Variants in FABP1 observed in about 807,000 individuals in gnomAD.
The protein encoded by FABP1 is fatty acid-binding protein, liver.
A neutral mutation model predicts 13.7 loss-of-function variants in FABP1; 13 were observed. The observed-to-expected ratio is 0.95, with a 90% CI of 0.62 to 1.51. The LOEUF is 1.51. Ranked by LOEUF, FABP1 falls within the 40% of genes most tolerant of loss-of-function variation. FABP1 has a pLI of 0.00. For synonymous variants in FABP1, 48 were observed against 59.8 expected (o/e 0.80, Z 0.91); for missense variants, 140 against 155.7 (o/e 0.90, Z 0.54).
At chr2:88,125,033 C>T (rs1233771486) in intron 2 of FABP1, among the ~76,000 whole-genome samples, 1 of 149,498 alleles carries the variant, frequency 6.7e-6, no homozygotes, top group Non-Finnish European at 1.5e-5. Context: ...TGGTCTTGAA[C>T]TCCTAGGCTC....
At chr2:88,126,139 A>C (rs199608981) in intron 2 of FABP1, 37 bp downstream of exon 2, 14 of 1,571,340 alleles carry the variant, frequency 8.9e-6, no homozygotes, top group African/African-American at 6.7e-5. Flanking sequence ...GCCAGGTTCC[A>C]AGGAAAGTTC....
At chr2:88,124,415 T>C in intron 3 of FABP1, 79 bp downstream of exon 3, 1 of 1,047,970 alleles carries the variant, frequency 9.5e-7, no homozygotes, top group Non-Finnish European at 1.4e-6. Flanking sequence ...CATTAGGGTA[T>C]GTGAGCCGCT....
chr2:88,126,234 T>C lies in FABP1; in HGVS notation c.182A>G (p.Asn61Ser). The C allele has an allele frequency of 6.2e-6, 10 of 1,613,038 alleles. No individual in the cohort carries two copies. Among genetic ancestry groups the C allele is most frequent in the Non-Finnish European group, 8.5e-6 (10 of 1,179,180 alleles). ...TITAGSKVIQ[N>S]EFTVGEECEL... ...ACATTCCTCCCCCACCGTGAATTCG[T>C]TTTGGATCACTTTGGACCCAGCGGT... The change falls in exon 2 of 4, where the codon AAC becomes AGC. Residue 61 changes from asparagine (N) to serine (S), a missense_variant. By Grantham distance (46) the Asn-to-Ser change is conservative. Transcript: ENST00000295834.
chr2:88,123,435 A>G (rs565270785), intron 3 of FABP1: 4 of 311,366 alleles, frequency 1.3e-5, no homozygotes, highest in African/African-American at 2.2e-5. Flanking sequence ...AGTACCTACT[A>G]TGCACCAAAT....
At chr2:88,124,216 G>A (rs1371845279) in intron 3 of FABP1, 4 of 403,244 alleles carry the variant, frequency 9.9e-6, no homozygotes. Context: ...CGCTAAATGG[G>A]CAAAGGCATT....
Position 88,126,343 on chromosome 2 carries a change from G to A in FABP1, c.73C>T (p.Pro25Ser). ...TTCCCCTTCTGGATGAGCTCTTCCGGCAGACCTGGTGGAAACCGTCTGAGG... is the reference window on the plus strand; with the variant it reads ...TTCCCCTTCTGGATGAGCTCTTCCGACAGACCTGGTGGAAACCGTCTGAGG... ...FEAFMKAIGL[P>S]EELIQKGKDI... The change falls in exon 2 of 4, where the codon CCG becomes TCG. Residue 25 changes from proline to serine, a missense_variant. Physicochemically the swap from Pro to Ser is moderately conservative, Grantham distance 74. Coordinates refer to ENST00000295834, the MANE Select transcript of FABP1 (RefSeq NM_001443.3). The A allele has an allele frequency of 6.2e-7, 1 of 1,613,034 alleles. No individual in the cohort carries two copies. Among genetic ancestry groups the A allele is most frequent in the Non-Finnish European group, 8.5e-7 (1 of 1,179,112 alleles).
intron 3 of FABP1, chr2:88,123,774 A>G (rs1419696727): frequency 3.9e-5 from 6 of 152,332 alleles, no homozygotes; most frequent in Non-Finnish European, 7.3e-5. Context: ...TGAATCCCTC[A>G]TCCAGCCTCC....
chr2:88,123,269 T>C (rs915877063), intron 3 of FABP1, 165 bp from the exon 4 acceptor site: 2 of 591,306 alleles, frequency 3.4e-6, no homozygotes, highest in African/African-American at 3.8e-5. Context: ...GGAGGAAAGG[T>C]TGGCAATGTT....
Position 88,125,099 on chromosome 2 carries a change from C to A in FABP1, c.241-513G>T, listed in dbSNP as rs137901493. Among the ~76,000 whole-genome samples the A allele has an allele frequency of 3.2e-3, 483 of 152,002 alleles. 4 individuals carry two copies. The highest frequency in any genetic ancestry group is 0.011 in the African/African-American group (441 of 41,448). On this transcript the variant is annotated intron_variant, in intron 2 of 3. Coordinates refer to ENST00000295834, the MANE Select transcript of FABP1 (RefSeq NM_001443.3). ...TGCTGGGATTGTAGGCATGAGCCAC[C>A]CGCCCAACCAGGTATGTATTATTCT...
At chr2:88,123,399 C>A in intron 3 of FABP1, 1 of 394,422 alleles carries the variant, frequency 2.5e-6, no homozygotes, top group Non-Finnish European at 4.6e-6. Flanking sequence ...CAAACCAGCC[C>A]AATCTAATTT....
chr2:88,126,085 G>A, intron 2 of FABP1, 91 bp downstream of exon 2: 1 of 1,352,386 alleles, frequency 7.4e-7, no homozygotes, highest in East Asian at 2.3e-5. Flanking sequence ...TGGTATCTGT[G>A]GGTGGAATTG....
At chr2:88,127,903 A>T (rs1449027111) in intron 1 of FABP1, 48 bp downstream of exon 1, 1 of 1,583,250 alleles carries the variant, frequency 6.3e-7, no homozygotes, top group Admixed American at 1.7e-5. Flanking sequence ...GTAGAGCTAG[A>T]CCCTCACTGA....
intron 1 of FABP1, chr2:88,126,806 T>A (rs1295414470): frequency 6.2e-6 from 1 of 160,584 alleles, no homozygotes; most frequent in East Asian, 1.7e-4. Flanking sequence ...AAAGCGGCAC[T>A]GTGCCAGGCA....
chr2:88,126,164 A>T lies in FABP1; in HGVS notation c.240+12T>A, dbSNP rs747006133. 3 of 1,593,640 alleles carry T rather than the reference A, an allele frequency of 1.9e-6. No individual in the cohort carries two copies. Among genetic ancestry groups the T allele is most frequent in the African/African-American group, 1.3e-5 (1 of 74,684 alleles). ...AAGGAAAGTTCTGACAGCAGAAGGG[A>T]TGCCCTCCTACCTTGACTTTCTCCC... On this transcript the variant is annotated intron_variant, in intron 2 of 3. Transcript: ENST00000295834.
chr2:88,126,942 A>G, intron 1 of FABP1, among the ~76,000 whole-genome samples: 1 of 152,098 alleles, frequency 6.6e-6, no homozygotes, highest in East Asian at 2.0e-4. Flanking sequence ...GTTCACAAAA[A>G]TTTTGTGGGT....
In FABP1 at chr2:88,127,834, G is replaced by A. The variant is rs1573135223; in HGVS notation, c.67+117C>T. 3.8e-6 allele frequency: 4 copies of A among 1,056,100 alleles called. No individual in the cohort carries two copies. In the East Asian group the frequency reaches 7.1e-5, roughly 19 times the overall value. 65.4% of individuals were successfully genotyped at this position (1,056,100 alleles called of 1,614,324 possible). On this transcript the variant is annotated intron_variant, in intron 1 of 3. Transcript: ENST00000295834. ...GTCAGTAAAATGCCCCCTAGTTTGT[G>A]TATATAGCCTGAATCTCTCCCCCCA... is the stretch of plus-strand genomic sequence containing the variant.
chr2:88,124,422 C>T (rs539768114), intron 3 of FABP1, 72 bp downstream of exon 3: 13 of 1,182,928 alleles, frequency 1.1e-5, no homozygotes, highest in Middle Eastern at 2.3e-4. Flanking sequence ...GTATGTGAGC[C>T]GCTCCCCATG....
intron 3 of FABP1, 199 bp downstream of exon 3, chr2:88,124,295 G>T: frequency 1.9e-6 from 1 of 518,168 alleles, no homozygotes; most frequent in Non-Finnish European, 3.4e-6. Flanking sequence ...TGAGCAGAAA[G>T]GATTAGTGAT....
At chr2:88,126,488 G>A in intron 1 of FABP1, 140 bp from the exon 2 acceptor site, 2 of 819,310 alleles carry the variant, frequency 2.4e-6, no homozygotes, top group South Asian at 1.7e-5. Flanking sequence ...AACTCACTGG[G>A]GGCTTGTCAG....
Sources: allele counts gnomAD v4.1 joint callset (sites outside exome capture counted in the v4.1 genomes callset), GRCh38; gene constraint gnomAD v4.1.1; transcripts MANE v1.5; gene names NCBI Gene and HGNC (gene_info 2026-07-23, HGNC 2026-07-21).